Variants in RORA observed in about 807,000 individuals in gnomAD.
RORA encodes the protein RAR related orphan receptor A.
Under a neutral mutation model 69.5 loss-of-function variants are expected in RORA, and 7 were observed. That is an observed-to-expected ratio of 0.10 (90% CI 0.06 to 0.19). RORA has a LOEUF of 0.19. RORA is among the 10% of genes least tolerant of loss of function. RORA has a pLI of 1.00. For synonymous variants in RORA, 261 were observed against 240.8 expected, an observed-to-expected ratio of 1.08 and a Z score of -0.78; for missense variants, 457 against 663.0, an observed-to-expected ratio of 0.69 and a Z score of 3.41.
At chr15:60,856,384 T>TC (rs2073380348) in intron 1 of RORA, among the ~76,000 whole-genome samples, 1 of 152,158 alleles carries the variant, frequency 6.6e-6, no homozygotes, top group Non-Finnish European at 1.5e-5. Context: ...TCTCTTCCTG[T>TC]CCAACCACTC....
chr15:60,615,912 C>A, intron 2 of RORA, among the ~76,000 whole-genome samples: 1 of 152,150 alleles, frequency 6.6e-6, no homozygotes, highest in East Asian at 1.9e-4. Flanking sequence ...CCCATGTGCC[C>A]CAGCTCTTGA....
intron 1 of RORA, among the ~76,000 whole-genome samples, chr15:60,727,278 G>A (rs990374109): frequency 3.9e-5 from 6 of 152,034 alleles, no homozygotes; most frequent in African/African-American, 9.7e-5. Flanking sequence ...CCCTGTGCTC[G>A]TTTTTAACCT....
intron 1 of RORA, among the ~76,000 whole-genome samples, chr15:61,214,863 C>CTTTT (rs34041868): frequency 6.5e-5 from 7 of 107,088 alleles, no homozygotes; most frequent in African/African-American, 1.9e-4. Context: ...CCTTCTTGGA[C>CTTTT]TTTTTTTTTT....
At chr15:61,220,906 G>T (rs1243160460) in intron 1 of RORA, among the ~76,000 whole-genome samples, 2 of 151,998 alleles carry the variant, frequency 1.3e-5, no homozygotes, top group Admixed American at 6.6e-5. Context: ...CCCTCTAGAG[G>T]CTCCCTGCCT....
Position 60,511,245 on chromosome 15 carries a change from A to G in RORA, c.801T>C (p.Thr267=). The change falls in exon 5 of 11, where the codon ACT becomes ACC. Residue 267 remains threonine (T), a synonymous_variant. Coordinates refer to ENST00000335670, the MANE Select transcript of RORA (RefSeq NM_134261.3). The surrounding 1 kb of genome is among the most constrained non-coding windows in gnomAD (Gnocchi z 6.4). The part of the protein sequence containing the change: ...CSFTNGETSP[T]VSMAELEHLA... Reference sequence around the variant, plus strand: ...CATTACCTAATTCTGCCATGGACACAGTTGGGGAAGTCTCGCCGTTGGTGA... The same window carrying G: ...CATTACCTAATTCTGCCATGGACACGGTTGGGGAAGTCTCGCCGTTGGTGA... 6.2e-7 allele frequency: 1 copy of G among 1,613,412 alleles called. No individual in the cohort carries two copies. Among genetic ancestry groups the G allele is most frequent in the Non-Finnish European group, 8.5e-7 (1 of 1,179,604 alleles).
intron 1 of RORA, among the ~76,000 whole-genome samples, chr15:61,102,071 T>C (rs1038981047): frequency 6.6e-6 from 1 of 152,102 alleles, no homozygotes; most frequent in African/African-American, 2.4e-5. Context: ...CGGATCCTAG[T>C]TCTGGCACAA....
chr15:60,798,253 CACACACACACACACA>C, intron 1 of RORA, among the ~76,000 whole-genome samples: 1 of 146,930 alleles, frequency 6.8e-6, no homozygotes, highest in African/African-American at 2.6e-5. Context: ...CACACACACA[CACACACACACACACA>C]CCACCTGCAG....
chr15:61,132,268 GA>G (rs1244982711), intron 1 of RORA, among the ~76,000 whole-genome samples: 2 of 151,906 alleles, frequency 1.3e-5, no homozygotes, highest in African/African-American at 4.8e-5. Flanking sequence ...ATGTCAACAG[GA>G]AAATTATTAG....
At chr15:61,184,079 A>G (rs140290438) in intron 1 of RORA, among the ~76,000 whole-genome samples, 1 of 152,304 alleles carries the variant, frequency 6.6e-6, no homozygotes, top group East Asian at 1.9e-4. Context: ...TCAAAAACAC[A>G]TCTCTGAACA....
intron 1 of RORA, among the ~76,000 whole-genome samples, chr15:61,156,540 G>A (rs944470417): frequency 2.0e-5 from 3 of 152,146 alleles, no homozygotes; most frequent in African/African-American, 7.2e-5. Flanking sequence ...CCAGAGAACA[G>A]CCCAGCAGGA....
chr15:61,122,175 A>G (rs1191230316), intron 1 of RORA, among the ~76,000 whole-genome samples: 1 of 152,214 alleles, frequency 6.6e-6, no homozygotes, highest in Non-Finnish European at 1.5e-5. Flanking sequence ...TTCTTAAGCC[A>G]GGCTCTGCTG....
At chr15:60,613,299 ATTTCCTTCTCTTTGTTACAT>A (rs1216507714) in intron 2 of RORA, among the ~76,000 whole-genome samples, 1 of 152,042 alleles carries the variant, frequency 6.6e-6, no homozygotes, top group Non-Finnish European at 1.5e-5. Flanking sequence ...AACCTTCTCT[ATTTCCTTCTCTTTGTTACAT>A]TTTCTCTGGT....
intron 1 of RORA, among the ~76,000 whole-genome samples, chr15:60,989,907 A>G (rs1167977468): frequency 6.6e-6 from 1 of 152,128 alleles, no homozygotes; most frequent in East Asian, 1.9e-4. Context: ...TTTTGTTTTT[A>G]TAAGAAAAGT....
chr15:61,021,739 C>T (rs774806325), intron 1 of RORA, among the ~76,000 whole-genome samples: 9 of 152,176 alleles, frequency 5.9e-5, no homozygotes, highest in Non-Finnish European at 1.2e-4. Context: ...ATGATATAAT[C>T]CAAAGTAGGG....
At chr15:60,879,322 C>A (rs2140445006) in intron 1 of RORA, among the ~76,000 whole-genome samples, 1 of 151,964 alleles carries the variant, frequency 6.6e-6, no homozygotes, top group African/African-American at 2.4e-5. Context: ...CTTTCCAAAC[C>A]TCAGTTTGTT....
intron 1 of RORA, among the ~76,000 whole-genome samples, chr15:60,930,209 A>T (rs1318451860): frequency 6.6e-6 from 1 of 152,168 alleles, no homozygotes; most frequent in African/African-American, 2.4e-5. Flanking sequence ...CAGACGAAAA[A>T]GCTCAACATA....
intron 1 of RORA, among the ~76,000 whole-genome samples, chr15:61,065,792 G>A (rs2078249213): frequency 6.6e-6 from 1 of 152,160 alleles, no homozygotes; most frequent in African/African-American, 2.4e-5. Flanking sequence ...TACCTGCCAA[G>A]ACCTTGTTTC....
At chr15:60,627,169 GT>G (rs2069605589) in intron 2 of RORA, 1 of 1,393,420 alleles carries the variant, frequency 7.2e-7, no homozygotes, top group Non-Finnish European at 1.0e-6. Flanking sequence ...CAGACATTGG[GT>G]TGTGGGTGGT....
intron 1 of RORA, among the ~76,000 whole-genome samples, chr15:60,926,784 T>A (rs1892231322): frequency 6.6e-6 from 1 of 152,200 alleles, no homozygotes; most frequent in African/African-American, 2.4e-5. Flanking sequence ...CGCATAAAAA[T>A]ATCACAAAAG....
Sources: gnomAD v4.1 joint callset for allele counts (sites outside exome capture counted in the v4.1 genomes callset) on GRCh38, gnomAD v4.1.1 for gene constraint, Gnocchi (gnomAD v3.1) non-coding constraint, MANE v1.5 for transcripts, NCBI Gene and HGNC (gene_info 2026-07-23, HGNC 2026-07-21) for gene names.